The following BBS9 variants were observed in gnomAD, a reference collection of about 807,000 sequenced individuals.
The protein encoded by BBS9 is Bardet-Biedl syndrome 9.
In BBS9, 89 loss-of-function variants were observed where a neutral mutation model predicts 117.7. That is an observed-to-expected ratio of 0.76 (90% CI 0.64 to 0.90). BBS9 has a LOEUF of 0.90. Among genes scored for constraint, BBS9 ranks in the 40% least tolerant of loss-of-function variants. BBS9 has a pLI of 0.00. For missense variants in BBS9, 982 were observed against 1,042.2 expected (o/e 0.94, Z 0.80); for synonymous variants, 379 against 370.9 (o/e 1.02, Z -0.25).
intron 5 of BBS9, among the ~76,000 whole-genome samples, chr7:33,184,686 C>T (rs763094077): frequency 3.9e-5 from 6 of 152,134 alleles, no homozygotes; most frequent in African/African-American, 9.7e-5. Flanking sequence ...GAGTCTCCTT[C>T]GTATCGTTCT....
chr7:33,304,223 C>A (rs1807297823), intron 9 of BBS9, among the ~76,000 whole-genome samples: 1 of 148,230 alleles, frequency 6.7e-6, no homozygotes, highest in Non-Finnish European at 1.5e-5. Flanking sequence ...TGAGGAGCGC[C>A]TCTGCCCGGC....
chr7:33,175,165 G>A (rs1387953406), intron 4 of BBS9, among the ~76,000 whole-genome samples: 2 of 152,120 alleles, frequency 1.3e-5, no homozygotes, highest in Non-Finnish European at 1.5e-5. Flanking sequence ...TTAGCTGGGT[G>A]TGGTGGCAGG....
intron 21 of BBS9, among the ~76,000 whole-genome samples, chr7:33,575,942 C>T (rs1042538864): frequency 1.3e-5 from 2 of 152,142 alleles, no homozygotes; most frequent in African/African-American, 2.4e-5. Flanking sequence ...ATCCCACAGC[C>T]AGTATCATAC....
chr7:33,532,608 C>T (rs1159135968), intron 20 of BBS9, among the ~76,000 whole-genome samples: 1 of 152,098 alleles, frequency 6.6e-6, no homozygotes, highest in African/African-American at 2.4e-5. Flanking sequence ...GGGTAGCCAC[C>T]TCCATGATTC....
intron 16 of BBS9, among the ~76,000 whole-genome samples, chr7:33,364,752 AG>A (rs1821345164): frequency 7.1e-6 from 1 of 140,104 alleles, no homozygotes; most frequent in Admixed American, 7.3e-5. Flanking sequence ...CTCCTCTCTC[AG>A]GGTCTTGCTC....
intron 21 of BBS9, among the ~76,000 whole-genome samples, chr7:33,616,339 G>A (rs1195095476): frequency 6.6e-6 from 1 of 150,704 alleles, no homozygotes; most frequent in African/African-American, 2.4e-5. Context: ...TTATTTTGTT[G>A]TTATAAGGTA....
intron 12 of BBS9, 89 bp downstream of exon 12, chr7:33,344,723 C>T: frequency 7.5e-7 from 1 of 1,338,116 alleles, no homozygotes; most frequent in Non-Finnish European, 1.1e-6. Context: ...AAGTAGCTTA[C>T]AGAAATGTAA....
intron 20 of BBS9, among the ~76,000 whole-genome samples, chr7:33,510,345 C>T (rs1846758867): frequency 6.6e-6 from 1 of 151,866 alleles, no homozygotes; most frequent in Non-Finnish European, 1.5e-5. Flanking sequence ...ACTTTATCTG[C>T]TAAGCTCAGT....
intron 21 of BBS9, among the ~76,000 whole-genome samples, chr7:33,611,374 G>A (rs1241052221): frequency 6.7e-6 from 1 of 149,802 alleles, no homozygotes; most frequent in Non-Finnish European, 1.5e-5. Context: ...CCAGACACAA[G>A]TCACTTACCA....
chr7:33,436,535 TAA>T (rs1835331790), intron 19 of BBS9, among the ~76,000 whole-genome samples: 1 of 152,340 alleles, frequency 6.6e-6, no homozygotes, highest in African/African-American at 2.4e-5. Context: ...AAATAATGAA[TAA>T]AAACATTTTG....
At chr7:33,267,301 A>T (rs935003281) in intron 7 of BBS9, among the ~76,000 whole-genome samples, 14 of 152,020 alleles carry the variant, frequency 9.2e-5, no homozygotes, top group Admixed American at 2.6e-4. Flanking sequence ...TTGTCCCTTT[A>T]TACTTCAAGT....
At chr7:33,395,172 A>G (rs1469650614) in intron 19 of BBS9, among the ~76,000 whole-genome samples, 1 of 152,214 alleles carries the variant, frequency 6.6e-6, no homozygotes, top group East Asian at 1.9e-4. Context: ...ACAGGTAACA[A>G]AATCTTTTGG....
chr7:33,337,616 C>T (rs1178195557), intron 10 of BBS9, among the ~76,000 whole-genome samples: 1 of 151,954 alleles, frequency 6.6e-6, no homozygotes, highest in African/African-American at 2.4e-5. Flanking sequence ...TGAAAGTAAA[C>T]CAGTGAAGTT....
At chr7:33,234,206 AT>A (rs941639125) in intron 5 of BBS9, among the ~76,000 whole-genome samples, 23 of 152,122 alleles carry the variant, frequency 1.5e-4, no homozygotes, top group African/African-American at 5.3e-4. Flanking sequence ...TCTTTATCAT[AT>A]GTATGTATGT....
At chr7:33,627,158 C>T (rs1380668776) in intron 21 of BBS9, among the ~76,000 whole-genome samples, 1 of 152,196 alleles carries the variant, frequency 6.6e-6, no homozygotes, top group Non-Finnish European at 1.5e-5. Context: ...GACACTGCTC[C>T]CAGCATCCCA....
At chr7:33,204,334 G>T (rs557710714) in intron 5 of BBS9, among the ~76,000 whole-genome samples, 1 of 151,330 alleles carries the variant, frequency 6.6e-6, no homozygotes, top group Admixed American at 6.6e-5. Context: ...TTGAACCTGG[G>T]AGGCAGAGGT....
At chr7:33,244,028 CA>C (rs1394347542) in intron 5 of BBS9, among the ~76,000 whole-genome samples, 1 of 152,026 alleles carries the variant, frequency 6.6e-6, no homozygotes, top group Admixed American at 6.6e-5. Context: ...GGTTCAAGAC[CA>C]ACCTGGCCAA....
intron 5 of BBS9, among the ~76,000 whole-genome samples, chr7:33,251,881 A>G (rs1390671632): frequency 1.3e-5 from 2 of 152,184 alleles, no homozygotes; most frequent in Non-Finnish European, 2.9e-5. Flanking sequence ...GTTCTCCTCT[A>G]TGTTGCTAGA....
chr7:33,145,640 C>G (rs566152152), intron 1 of BBS9, among the ~76,000 whole-genome samples: 22 of 152,284 alleles, frequency 1.4e-4, no homozygotes, highest in African/African-American at 4.1e-4. Flanking sequence ...CTCAGCAACT[C>G]TTTGTAATAG....
Sources: gnomAD v4.1 joint callset for allele counts (sites outside exome capture counted in the v4.1 genomes callset) on GRCh38, gnomAD v4.1.1 for gene constraint, MANE v1.5 for transcripts, NCBI Gene and HGNC (gene_info 2026-07-23, HGNC 2026-07-21) for gene names.